COL9A1: variants seen among roughly 807,000 people sequenced by gnomAD.
COL9A1 encodes the protein collagen type IX alpha 1 chain.
COL9A1 carries 104 observed loss-of-function variants against 142.6 expected under a neutral mutation model. The observed-to-expected ratio is 0.73, with a 90% CI of 0.62 to 0.86. The LOEUF (loss-of-function observed/expected upper bound fraction) is 0.86, where lower values mean the gene tolerates loss of function less well. Ranked by LOEUF, COL9A1 falls within the 40% of genes least tolerant of loss-of-function variation. The pLI, the probability that COL9A1 is intolerant of heterozygous loss-of-function variation, is 0.00. For missense variants in COL9A1, 1,210 were observed against 1,176.6 expected (o/e 1.03, Z -0.42); for synonymous variants, 466 against 396.0 (o/e 1.18, Z -2.10).
chr6:70,259,962 G>A (rs775576640), intron 20 of COL9A1, among the ~76,000 whole-genome samples: 28 of 152,032 alleles, frequency 1.8e-4, no homozygotes, highest in Non-Finnish European at 3.5e-4. Flanking sequence ...GGAGGCTCCA[G>A]TGTCTTTGGG....
intron 29 of COL9A1, 126 bp from the exon 30 acceptor site, chr6:70,242,161 G>T: frequency 1.2e-6 from 1 of 818,184 alleles, no homozygotes; most frequent in Non-Finnish European, 2.1e-6. Flanking sequence ...GTTGAACTCT[G>T]CTTCTTGGGT....
intron 20 of COL9A1, among the ~76,000 whole-genome samples, chr6:70,259,131 C>A (rs2127580121): frequency 6.6e-6 from 1 of 152,016 alleles, no homozygotes; most frequent in South Asian, 2.1e-4. Context: ...GACAAACAGC[C>A]TGGAAAAAAA....
In COL9A1 at chr6:70,260,639, TTG is replaced by T; in HGVS notation, c.1449+16_1449+17del. 6.2e-7 allele frequency: 1 copy of T among 1,611,618 alleles called. No individual in the cohort carries two copies. The highest frequency in any genetic ancestry group is 8.5e-7 in the Non-Finnish European group (1 of 1,178,164). ...TTTAACACATTTTGGTATTATATTA[TTG>T]TCATCACCATCTTACTTTTTCCCCT... On this transcript the variant is annotated intron_variant, in intron 20 of 37. Coordinates refer to ENST00000357250, the MANE Select transcript of COL9A1 (RefSeq NM_001851.6).
chr6:70,283,052 T>C, intron 6 of COL9A1, 134 bp from the exon 7 acceptor site: 1 of 1,563,974 alleles, frequency 6.4e-7, no homozygotes, highest in Non-Finnish European at 8.6e-7. Flanking sequence ...GTCCAGGCCA[T>C]GCCCGCCGCC....
Position 70,268,805 on chromosome 6 carries a change from CT to C in COL9A1, c.1285del (p.Arg429GlyfsTer48). 1 of 1,613,252 alleles carries C rather than the reference CT, an allele frequency of 6.2e-7. No homozygotes were observed. The highest frequency in any genetic ancestry group is 8.5e-7 in the Non-Finnish European group (1 of 1,179,296). ...RSGYPGLPGM[R>X]GHKGAKGEIG... The stretch of plus-strand genomic sequence containing the variant: ...AAATACTGGAAGTTATTCTCTTACC[CT>C]CATGCCTGGTAGGCCTGGATATCCT... On this transcript the variant is annotated frameshift_variant and splice_region_variant, in exon 17 of 38. Transcript: ENST00000357250. LOFTEE classifies it high-confidence loss of function.
At chr6:70,239,381 G>C in intron 32 of COL9A1, 95 bp from the exon 33 acceptor site, 1 of 871,634 alleles carries the variant, frequency 1.1e-6, no homozygotes, top group African/African-American at 1.7e-5. Context: ...CTAAAATACG[G>C]AAAACCATGA....
chr6:70,266,859 T>C, intron 17 of COL9A1, 89 bp from the exon 18 acceptor site: 2 of 1,031,758 alleles, frequency 1.9e-6, no homozygotes, highest in South Asian at 2.5e-5. Flanking sequence ...CCTAAATCAG[T>C]GCCAATGTAT....
chr6:70,227,731 T>C (rs951184474), intron 36 of COL9A1, among the ~76,000 whole-genome samples: 1 of 152,074 alleles, frequency 6.6e-6, no homozygotes, highest in African/African-American at 2.4e-5. Context: ...TAGCAGAAGG[T>C]TGGAAACAAT....
intron 7 of COL9A1, among the ~76,000 whole-genome samples, chr6:70,282,321 C>T (rs1562325206): frequency 1.3e-5 from 2 of 152,368 alleles, no homozygotes; most frequent in East Asian, 1.9e-4. Context: ...AAACCTCAAA[C>T]CTCAGCTGGG....
Position 70,289,106 on chromosome 6 carries a change from G to A in COL9A1, c.696+5061C>T, listed in dbSNP as rs115647241. Among the ~76,000 whole-genome samples the A allele has an allele frequency of 9.1e-3, 1,390 of 152,198 alleles. 27 individuals carry two copies. Among genetic ancestry groups the A allele is most frequent in the African/African-American group, 0.031 (1,287 of 41,534 alleles). On this transcript the variant is annotated intron_variant, in intron 5 of 37. Coordinates refer to ENST00000357250, the MANE Select transcript of COL9A1 (RefSeq NM_001851.6). ...ATTCCCTTCCCCTGTGTGGGTTCCAGTTTCTTCATGATAAACTGAGAGGTT... is the reference window on the plus strand; with the variant it reads ...ATTCCCTTCCCCTGTGTGGGTTCCAATTTCTTCATGATAAACTGAGAGGTT...
At chr6:70,261,897 C>T (rs1771713649) in intron 19 of COL9A1, among the ~76,000 whole-genome samples, 2 of 152,118 alleles carry the variant, frequency 1.3e-5, no homozygotes, top group South Asian at 4.1e-4. Context: ...TTAAGTTGTG[C>T]ATTACTTTAT....
intron 37 of COL9A1, among the ~76,000 whole-genome samples, chr6:70,218,407 A>C (rs966143465): frequency 5.3e-5 from 8 of 152,220 alleles, no homozygotes; most frequent in African/African-American, 1.9e-4. Flanking sequence ...TCTGAGGCAC[A>C]GCACCCCATA....
At chr6:70,227,309 CA>C (rs1343876706) in intron 36 of COL9A1, among the ~76,000 whole-genome samples, 3 of 147,022 alleles carry the variant, frequency 2.0e-5, no homozygotes, top group Admixed American at 1.4e-4. Context: ...AACACAACAG[CA>C]AAAAAATGAC....
intron 4 of COL9A1, 92 bp downstream of exon 4, chr6:70,299,951 A>T: frequency 8.1e-7 from 1 of 1,229,516 alleles, no homozygotes; most frequent in Non-Finnish European, 1.2e-6. Context: ...TCCAAGAAAC[A>T]TTGATCATAA....
At chr6:70,279,946 G>A in intron 10 of COL9A1, 1 of 648,114 alleles carries the variant, frequency 1.5e-6, no homozygotes, top group Admixed American at 2.2e-5. Flanking sequence ...GATGCACCAT[G>A]GTATGCTAAG....
In COL9A1 at chr6:70,252,190, A is replaced by G; in HGVS notation, c.1819-17T>C. 1 of 1,614,200 alleles carries G rather than the reference A, an allele frequency of 6.2e-7. No homozygotes were observed. The highest frequency in any genetic ancestry group is 8.5e-7 in the Non-Finnish European group (1 of 1,180,014). ...CTGTTGGCCCTGTTATCAGGAAGGA[A>G]GGTAGAAAAAAAGTTAACACCTACT... On this transcript the variant is annotated splice_polypyrimidine_tract_variant and intron_variant, in intron 27 of 37. Coordinates refer to ENST00000357250, the MANE Select transcript of COL9A1 (RefSeq NM_001851.6).
rs542296705 is a variant in COL9A1, at chr6:70,257,048, A to ATT, written c.1450-229_1450-228dup. On this transcript the variant is annotated intron_variant, in intron 20 of 37. Transcript: ENST00000357250. ...ACACAATCTTTGATGCCACTCTGTA[A>ATT]TTTTTTTTTTTTTTTTTTTTTTTTT... Among the ~76,000 whole-genome samples, 145 of 105,036 alleles carry ATT rather than the reference A, an allele frequency of 1.4e-3. 3 individuals carry two copies. The highest frequency in any genetic ancestry group is 2.1e-3 in the Non-Finnish European group (111 of 53,850). 68.9% of individuals were successfully genotyped at this position (105,036 alleles called of 152,430 possible). A position where few individuals can be genotyped will look rare whatever the true frequency, so the allele number is the denominator to read the frequency against.
chr6:70,300,114 T>C lies in COL9A1; in HGVS notation c.228A>G (p.Arg76=), dbSNP rs979522134. The C allele has an allele frequency of 1.9e-6, 3 of 1,613,812 alleles. No homozygotes were observed. Among genetic ancestry groups the C allele is most frequent in the South Asian group, 1.1e-5 (1 of 91,072 alleles). ...CCTGCAATGTAGCTGATCCCACTAC[T>C]CTCTGGATAGCTCTTCTAGATGCTG... ...DKAASRRAIQ[R]VVGSATLQVA... Residue 76 remains arginine (R), a synonymous_variant, in exon 4 of 38, where the codon AGA becomes AGG. Coordinates refer to ENST00000357250, the MANE Select transcript of COL9A1 (RefSeq NM_001851.6).
intron 10 of COL9A1, among the ~76,000 whole-genome samples, chr6:70,276,792 C>G (rs1461778978): frequency 6.6e-6 from 1 of 152,178 alleles, no homozygotes; most frequent in African/African-American, 2.4e-5. Flanking sequence ...TCCTCCACAA[C>G]ATCTTTATAT....
Sources: allele counts gnomAD v4.1 joint callset (sites outside exome capture counted in the v4.1 genomes callset), GRCh38; gene constraint gnomAD v4.1.1; transcripts MANE v1.5; gene names NCBI Gene and HGNC (gene_info 2026-07-23, HGNC 2026-07-21).